RBFOX1: variants seen among roughly 807,000 people sequenced by gnomAD.
The protein encoded by RBFOX1 is RNA binding fox-1 homolog 1, also known as RNA binding protein fox-1 homolog 1.
Under a neutral mutation model 57.7 loss-of-function variants are expected in RBFOX1, and 8 were observed. The observed-to-expected ratio is 0.14, with a 90% CI of 0.08 to 0.25. RBFOX1 has a LOEUF of 0.25. RBFOX1 is among the 10% of genes least tolerant of loss of function. The pLI, the probability that RBFOX1 is intolerant of heterozygous loss-of-function variation, is 1.00. For missense variants in RBFOX1, 611 were observed against 548.5 expected (o/e 1.11, Z -1.14); for synonymous variants, 326 against 222.4 (o/e 1.47, Z -4.15).
intron 4 of RBFOX1, among the ~76,000 whole-genome samples, chr16:7,075,965 C>T (rs1410010660): frequency 1.3e-5 from 2 of 151,882 alleles, no homozygotes; most frequent in East Asian, 1.9e-4. Context: ...ACTTTGCCAC[C>T]GTCCTTGCAC....
chr16:5,658,610 G>T (rs2049534485), intron 3 of RBFOX1, among the ~76,000 whole-genome samples: 1 of 151,898 alleles, frequency 6.6e-6, no homozygotes, highest in South Asian at 2.1e-4. Flanking sequence ...ACTATGTTTG[G>T]TTTTCCATTC....
chr16:7,277,638 G>C (rs890640273), intron 4 of RBFOX1, among the ~76,000 whole-genome samples: 1 of 151,930 alleles, frequency 6.6e-6, no homozygotes, highest in Non-Finnish European at 1.5e-5. Flanking sequence ...TCAGTGGTAG[G>C]GTTCCTTAAA....
chr16:6,377,975 G>A (rs980998619), intron 2 of RBFOX1, among the ~76,000 whole-genome samples: 2 of 152,116 alleles, frequency 1.3e-5, no homozygotes, highest in African/African-American at 2.4e-5. Context: ...CACCAATCCT[G>A]GTGCTTCATC....
chr16:6,401,956 A>G (rs953190768), intron 2 of RBFOX1, among the ~76,000 whole-genome samples: 1 of 151,956 alleles, frequency 6.6e-6, no homozygotes, highest in Non-Finnish European at 1.5e-5. Context: ...GGAGATTAAG[A>G]TCGTAACTGA....
At chr16:7,189,173 C>A (rs894559265) in intron 4 of RBFOX1, among the ~76,000 whole-genome samples, 1 of 151,952 alleles carries the variant, frequency 6.6e-6, no homozygotes, top group Non-Finnish European at 1.5e-5. Context: ...TGCCTGTAAT[C>A]CCAGCACTTT....
At chr16:6,670,425 T>A (rs1284224170) in intron 3 of RBFOX1, among the ~76,000 whole-genome samples, 1 of 152,160 alleles carries the variant, frequency 6.6e-6, no homozygotes, top group East Asian at 1.9e-4. Context: ...GTTGATTGAA[T>A]TCACCAATTC....
chr16:6,084,228 C>T (rs1287701491), intron 1 of RBFOX1, among the ~76,000 whole-genome samples: 1 of 151,964 alleles, frequency 6.6e-6, no homozygotes, highest in Non-Finnish European at 1.5e-5. Context: ...GTCCTTCCTC[C>T]TTATTTATTT....
At chr16:7,071,564 C>A (rs1329830089) in intron 4 of RBFOX1, among the ~76,000 whole-genome samples, 1 of 149,070 alleles carries the variant, frequency 6.7e-6, no homozygotes, top group Non-Finnish European at 1.5e-5. Flanking sequence ...TCACAACTGA[C>A]CCCAACACTA....
intron 4 of RBFOX1, chr16:7,332,712 T>C: frequency 8.9e-7 from 1 of 1,120,384 alleles, no homozygotes; most frequent in Middle Eastern, 3.5e-4. Context: ...TGAAGAGTAT[T>C]TGGTTAGTCA....
intron 3 of RBFOX1, among the ~76,000 whole-genome samples, chr16:6,940,199 A>T (rs1567983945): frequency 7.1e-6 from 1 of 141,728 alleles, no homozygotes; most frequent in East Asian, 2.3e-4. Context: ...CTCAAAAATA[A>T]AAATAAATAA....
At chr16:7,122,421 A>G (rs1197047121) in intron 4 of RBFOX1, among the ~76,000 whole-genome samples, 1 of 152,132 alleles carries the variant, frequency 6.6e-6, no homozygotes, top group Non-Finnish European at 1.5e-5. Context: ...AGAGAAGAGG[A>G]TATTCATCAG....
intron 3 of RBFOX1, among the ~76,000 whole-genome samples, chr16:5,845,858 G>C (rs2056743271): frequency 6.6e-6 from 1 of 152,110 alleles, no homozygotes; most frequent in East Asian, 1.9e-4. Context: ...TCTATCTTTT[G>C]AGGGTAATGA....
intron 3 of RBFOX1, among the ~76,000 whole-genome samples, chr16:5,804,588 G>C (rs1320025839): frequency 6.6e-6 from 1 of 152,144 alleles, no homozygotes; most frequent in African/African-American, 2.4e-5. Flanking sequence ...GGTGGGAGGT[G>C]AAGGGGACCT....
rs193293968 is a variant in RBFOX1, at chr16:6,776,304, G to A, written c.-16+121654G>A. Among the ~76,000 whole-genome samples the A allele has an allele frequency of 5.3e-5, 8 of 152,146 alleles. No individual in the cohort carries two copies. The South Asian group carries it at 6.2e-4, about 12-fold the overall frequency. On this transcript the variant is annotated intron_variant, in intron 3 of 15. Transcript: ENST00000550418. The stretch of plus-strand genomic sequence containing the variant: ...CGGGTGCCTGTAGTCCCAGCTACTC[G>A]GGGGGCTGAGGCAGGAGAATGGTGT...
intron 3 of RBFOX1, among the ~76,000 whole-genome samples, chr16:5,746,173 C>T (rs905194838): frequency 6.6e-6 from 1 of 152,174 alleles, no homozygotes; most frequent in South Asian, 2.1e-4. Context: ...CCAGTTTTCC[C>T]AGCACCATTT....
chr16:7,637,643 A>T (rs909810272), intron 11 of RBFOX1, among the ~76,000 whole-genome samples: 2 of 152,198 alleles, frequency 1.3e-5, no homozygotes, highest in Non-Finnish European at 2.9e-5. Context: ...TAGAAAGGAC[A>T]CATACAGGTC....
chr16:5,542,749 C>T (rs777536450), intron 2 of RBFOX1, among the ~76,000 whole-genome samples: 3 of 152,060 alleles, frequency 2.0e-5, no homozygotes, highest in Non-Finnish European at 4.4e-5. Flanking sequence ...GTAAGAAGGC[C>T]AAAATTATGC....
intron 4 of RBFOX1, among the ~76,000 whole-genome samples, chr16:7,507,912 C>G (rs2073902968): frequency 6.6e-6 from 1 of 151,336 alleles, no homozygotes; most frequent in Non-Finnish European, 1.5e-5. Context: ...GCTCCACTGA[C>G]TAAGGACCCA....
chr16:6,858,428 A>T (rs1203649138), intron 3 of RBFOX1, among the ~76,000 whole-genome samples: 2 of 152,162 alleles, frequency 1.3e-5, no homozygotes, highest in African/African-American at 4.8e-5. Flanking sequence ...GTGGACTTGA[A>T]GGAGTTCCAC....
Sources: allele counts gnomAD v4.1 joint callset (sites outside exome capture counted in the v4.1 genomes callset), GRCh38; gene constraint gnomAD v4.1.1; transcripts MANE v1.5; gene names NCBI Gene and HGNC (gene_info 2026-07-23, HGNC 2026-07-21).